ELMO3: variants seen among roughly 807,000 people sequenced by gnomAD.
ELMO3 encodes engulfment and cell motility 3, also known as engulfment and cell motility protein 3.
ELMO3 carries 81 observed loss-of-function variants against 89.0 expected under a neutral mutation model. The observed-to-expected ratio is 0.91, with a 90% CI of 0.76 to 1.09. The LOEUF (loss-of-function observed/expected upper bound fraction) is 1.09. ELMO3 is among the 50% of genes least tolerant of loss of function. ELMO3 has a pLI of 0.00. For missense variants in ELMO3, 959 were observed against 972.8 expected, an observed-to-expected ratio of 0.99 and a Z score of 0.19; for synonymous variants, 406 against 400.6, an observed-to-expected ratio of 1.01 and a Z score of -0.16.
In ELMO3 at chr16:67,200,798, C is replaced by G. The variant is rs369829735; in HGVS notation, c.655C>G (p.His219Asp). 1.2e-6 allele frequency: 2 copies of G among 1,612,876 alleles called. No individual in the cohort carries two copies. The highest frequency in any genetic ancestry group is 2.7e-5 in the African/African-American group (2 of 74,900). The change falls in exon 7 of 20, where the codon CAC (histidine) becomes GAC (aspartate). Residue 219 changes from histidine (H) to aspartate (D), a missense_variant. Physicochemically the swap from His to Asp is moderately conservative, Grantham distance 81. Coordinates refer to ENST00000393997, the MANE Select transcript of ELMO3 (RefSeq NM_024712.5). ...GGTGCCCCTGGATAGGCTGCTGGTGCACCTACAGGTGTAAGCCTCTGGGGC... is the reference window on the plus strand; with the variant it reads ...GGTGCCCCTGGATAGGCTGCTGGTGGACCTACAGGTGTAAGCCTCTGGGGC... ...SEVPLDRLLV[H>D]LQVMNQQLQT...
intron 11 of ELMO3, 50 bp downstream of exon 11, chr16:67,201,923 G>A (rs1435044824): frequency 1.2e-6 from 2 of 1,605,116 alleles, no homozygotes; most frequent in Non-Finnish European, 1.7e-6. Flanking sequence ...GCCCAGGGCT[G>A]TTGTTCCAGG....
At chr16:67,202,604 G>C (rs746480899) in intron 14 of ELMO3, 23 bp from the exon 15 acceptor site, 7 of 1,613,122 alleles carry the variant, frequency 4.3e-6, no homozygotes, top group Non-Finnish European at 5.1e-6. Flanking sequence ...CTTAGGCCCT[G>C]AGCTGAGCTT....
rs1478911469 is a variant in ELMO3 at position 67,199,882 on chromosome 16, C to A, written c.193-69C>A. On this transcript the variant is annotated intron_variant, in intron 3 of 19. Coordinates refer to ENST00000393997, the MANE Select transcript of ELMO3 (RefSeq NM_024712.5). ...TGTTATTCACCCCCAGCCGCCCTCA[C>A]CGACACCCCAGTTGATCAGTCCTCG... The A allele has an allele frequency of 5.0e-6, 8 of 1,611,042 alleles. No individual in the cohort carries two copies. The African/African-American group carries it at 1.1e-4, about 22-fold the overall frequency.
rs1366403391 is a variant in ELMO3, at chr16:67,201,533, G to A, written c.809G>A (p.Ser270Asn). ...GCTGTCCTGCAGAACATCATCCACAGTGCAGCACCAATGGGCGACGAGATG... is the reference window on the plus strand; with the variant it reads ...GCTGTCCTGCAGAACATCATCCACAATGCAGCACCAATGGGCGACGAGATG... ...RQFIYKNIIH[S>N]AAPMGDEMAH... The change falls in exon 10 of 20, where the codon AGT becomes AAT. Residue 270 changes from serine to asparagine, a missense_variant. By Grantham distance (46) the Ser-to-Asn change is conservative. Coordinates refer to ENST00000393997, the MANE Select transcript of ELMO3 (RefSeq NM_024712.5). The A allele has an allele frequency of 6.2e-7, 1 of 1,614,096 alleles. No individual in the cohort carries two copies. Among genetic ancestry groups the A allele is most frequent in the East Asian group, 2.2e-5 (1 of 44,880 alleles).
At position 67,199,378 on chromosome 16, in the gene ELMO3, ATCCCGCAGCTCATCCAGCTGGACCAGG is replaced by A; in HGVS notation, c.55_78+3del. 18 of 1,608,226 alleles carry A rather than the reference ATCCCGCAGCTCATCCAGCTGGACCAGG, an allele frequency of 1.1e-5. No individual in the cohort carries two copies. The highest frequency in any genetic ancestry group is 1.4e-5 in the Non-Finnish European group (17 of 1,179,076). ...GATTGCCATCAAGATGCGTGACGCC[ATCCCGCAGCTCATCCAGCTGGACCAGG>A]TCACCCGGCTGGTCCCGCCTCCATC... On this transcript the variant is annotated splice_donor_variant and coding_sequence_variant, in exon 1 of 20. Transcript: ENST00000393997. LOFTEE classifies it high-confidence loss of function.
Position 67,200,493 on chromosome 16 carries a change from GCTCATGGAGCA to G in ELMO3, c.458_468del (p.Leu153ArgfsTer59). 6.2e-7 allele frequency: 1 copy of G among 1,613,758 alleles called. No homozygotes were observed. The highest frequency in any genetic ancestry group is 8.5e-7 in the Non-Finnish European group (1 of 1,179,958). ...CCCTCAGCCTGAGGGCCTTCTCAGA[GCTCATGGAGCA>G]CGGCGTGGTGTCCTGGGAGACTCTG... On this transcript the variant is annotated frameshift_variant, in exon 6 of 20. Coordinates refer to ENST00000393997, the MANE Select transcript of ELMO3 (RefSeq NM_024712.5). LOFTEE classifies it high-confidence loss of function.
chr16:67,200,925 T>C lies in ELMO3; in HGVS notation c.701T>C (p.Leu234Pro). ...CAGCTGCAAACCAAGGCCATGGCCC[T>C]GCTGACAGCCTTGCTGCAGGGGGCC... ...NQQLQTKAMALLTALLQGASP... is the reference protein window; with the variant it reads ...NQQLQTKAMAPLTALLQGASP... The change falls in exon 8 of 20, where the codon CTG (leucine) becomes CCG (proline). Residue 234 changes from leucine to proline, a missense_variant. Coordinates refer to ENST00000393997, the MANE Select transcript of ELMO3 (RefSeq NM_024712.5). 3 of 1,612,654 alleles carry C rather than the reference T, an allele frequency of 1.9e-6. No individual in the cohort carries two copies. The highest frequency in any genetic ancestry group is 1.7e-6 in the Non-Finnish European group (2 of 1,179,568).
chr16:67,199,847 G>A (rs2033057126), intron 3 of ELMO3, 91 bp downstream of exon 3: 11 of 1,604,724 alleles, frequency 6.9e-6, no homozygotes, highest in South Asian at 1.1e-5. Flanking sequence ...CCCACTACCG[G>A]AGCGCGATCT....
chr16:67,202,622 C>T lies in ELMO3; in HGVS notation c.1399-5C>T, dbSNP rs1001052752. The T allele has an allele frequency of 3.7e-6, 6 of 1,613,194 alleles. No individual in the cohort carries two copies. In the East Asian group the frequency reaches 1.1e-4, roughly 30 times the overall value. ...AGGCCCTGAGCTGAGCTTGGGCGGC[C>T]CCAGGTCATGCAGGTGGTGCGGGAG... On this transcript the variant is annotated splice_region_variant and splice_polypyrimidine_tract_variant and intron_variant, in intron 14 of 19. Coordinates refer to ENST00000393997, the MANE Select transcript of ELMO3 (RefSeq NM_024712.5).
Position 67,203,554 on chromosome 16 carries a change from C to T in ELMO3, c.1921C>T (p.Leu641Phe). ...TGACCGTGGGGAGGAGGAAGCGTAC[C>T]TCAACTTCATTGCCCCCTCCAAGCG... ...SYDRGEEEAY[L>F]NFIAPSKREF... Residue 641 changes from leucine (L) to phenylalanine (F), a missense_variant, in exon 19 of 20, where the codon CTC becomes TTC. Leu to Phe is a conservative substitution (Grantham distance 22). Coordinates refer to ENST00000393997, the MANE Select transcript of ELMO3 (RefSeq NM_024712.5). The surrounding 1 kb of genome is among the most constrained non-coding windows in gnomAD (Gnocchi z 4.6). 2 of 1,614,086 alleles carry T rather than the reference C, an allele frequency of 1.2e-6. No individual in the cohort carries two copies. Among genetic ancestry groups the T allele is most frequent in the Non-Finnish European group, 1.7e-6 (2 of 1,180,014 alleles).
rs372715696 is a variant in ELMO3, at chr16:67,201,399, T to C, written c.759T>C (p.Tyr253=). The C allele has an allele frequency of 6.2e-7, 1 of 1,613,908 alleles. No individual in the cohort carries two copies. The highest frequency in any genetic ancestry group is 1.3e-5 in the African/African-American group (1 of 75,006). The part of the protein sequence containing the change: ...SPVERKHMLD[Y]LWQRNLRQFI... Reference sequence around the variant, plus strand: ...TACCCCCTCAGCACATGCTTGACTATCTTTGGCAGAGGAACCTTCGCCAGT... The same window carrying C: ...TACCCCCTCAGCACATGCTTGACTACCTTTGGCAGAGGAACCTTCGCCAGT... Residue 253 remains tyrosine, a synonymous_variant, in exon 9 of 20, where the codon TAT becomes TAC. Transcript: ENST00000393997.
chr16:67,199,640 G>A (rs1184664656), intron 2 of ELMO3, 44 bp from the exon 3 acceptor site: 2 of 1,608,052 alleles, frequency 1.2e-6, no homozygotes, highest in Non-Finnish European at 1.7e-6. Context: ...AGGGCAGGAG[G>A]GGCGGCGCCC....
chr16:67,203,096 C>T lies in ELMO3; in HGVS notation c.1676-23C>T, dbSNP rs772055715. On this transcript the variant is annotated intron_variant, in intron 16 of 19. Coordinates refer to ENST00000393997, the MANE Select transcript of ELMO3 (RefSeq NM_024712.5). The surrounding 1 kb of genome is among the most constrained non-coding windows in gnomAD (Gnocchi z 4.6). ...GTGTCAGGACCTCTCAGCACTCTGG[C>T]CCTCTTCCCTTTCTCCACGCAGATA... 38 of 1,592,194 alleles carry T rather than the reference C, an allele frequency of 2.4e-5. No individual in the cohort carries two copies. The highest frequency in any genetic ancestry group is 3.2e-5 in the Non-Finnish European group (37 of 1,170,570).
At position 67,200,180 on chromosome 16, in the gene ELMO3, C is replaced by G. The variant is rs894041193; in HGVS notation, c.244-12C>G. ...AGCCTCTTCACCTCTGCTCCTGCTC[C>G]GTTCCTGCCAGGACCTTGAGGCTGA... is the stretch of plus-strand genomic sequence containing the variant. On this transcript the variant is annotated splice_polypyrimidine_tract_variant and intron_variant, in intron 4 of 19. Coordinates refer to ENST00000393997, the MANE Select transcript of ELMO3 (RefSeq NM_024712.5). 14 of 1,608,354 alleles carry G rather than the reference C, an allele frequency of 8.7e-6. No individual in the cohort carries two copies. The highest frequency in any genetic ancestry group is 8.4e-5 in the Admixed American group (5 of 59,658).
rs1323110359 is a variant in ELMO3, at chr16:67,202,980, A to G, written c.1651A>G (p.Lys551Glu). 2.5e-6 allele frequency: 4 copies of G among 1,607,134 alleles called. No homozygotes were observed. Among genetic ancestry groups the G allele is most frequent in the Non-Finnish European group, 2.5e-6 (3 of 1,179,928 alleles). The part of the protein sequence containing the change: ...LRLCEGTLFR[K>E]ISSRRRQDKL... Reference sequence around the variant, plus strand: ...CCTCTGTGAGGGGACGCTCTTCCGCAAGATCAGCAGCCGGCGGCGCCAGGG... The same window carrying G: ...CCTCTGTGAGGGGACGCTCTTCCGCGAGATCAGCAGCCGGCGGCGCCAGGG... Residue 551 changes from lysine (K) to glutamate (E), a missense_variant, in exon 16 of 20, where the codon AAG (lysine) becomes GAG (glutamate). Transcript: ENST00000393997.
Position 67,201,587 on chromosome 16 carries a change from T to C in ELMO3, c.863T>C (p.Leu288Pro). 6.2e-7 allele frequency: 1 copy of C among 1,613,950 alleles called. No homozygotes were observed. Among genetic ancestry groups the C allele is most frequent in the Non-Finnish European group, 8.5e-7 (1 of 1,180,032 alleles). The change falls in exon 10 of 20, where the codon CTC becomes CCC. Residue 288 changes from leucine (L) to proline (P), a missense_variant. Transcript: ENST00000393997. ...MAHHLYVLQA[L>P]MLGLLEPRMR... ...CATCACCTGTACGTACTGCAGGCTC[T>C]CATGCTGGGGCTGCTGGAGCCGCGC...
At position 67,203,482 on chromosome 16, in the gene ELMO3, C is replaced by A. The variant is rs1348355481; in HGVS notation, c.1864-15C>A. The A allele has an allele frequency of 3.1e-6, 5 of 1,613,612 alleles. No individual in the cohort carries two copies. Among genetic ancestry groups the A allele is most frequent in the Non-Finnish European group, 4.2e-6 (5 of 1,179,790 alleles). On this transcript the variant is annotated splice_polypyrimidine_tract_variant and intron_variant, in intron 18 of 19. Coordinates refer to ENST00000393997, the MANE Select transcript of ELMO3 (RefSeq NM_024712.5). This position sits in a 1 kb window ranked among gnomAD's most constrained non-coding sequence, Gnocchi z 4.6. Reference sequence around the variant, plus strand: ...CTGTCCCCTGCTCAGTGTCCCCGCTCCCTTGCTTCCCCAGGACCTCTATGA... The same window carrying A: ...CTGTCCCCTGCTCAGTGTCCCCGCTACCTTGCTTCCCCAGGACCTCTATGA...
In ELMO3 at chr16:67,202,031, GACA is replaced by G. The variant is rs756305844; in HGVS notation, c.1109_1111del (p.Asn370del). 2 of 1,572,126 alleles carry G rather than the reference GACA, an allele frequency of 1.3e-6. No homozygotes were observed. Among genetic ancestry groups the G allele is most frequent in the South Asian group, 2.2e-5 (2 of 90,610 alleles). On this transcript the variant is annotated inframe_deletion, in exon 12 of 20. Coordinates refer to ENST00000393997, the MANE Select transcript of ELMO3 (RefSeq NM_024712.5). ...CGTGCCCCCCGGTCTGCTGGCCCTG[GACA>G]ACATGTTGTACTTCTCCAGAAACGC...
At position 67,199,268 on chromosome 16, in the gene ELMO3, C is replaced by T. The variant is rs750658582; in HGVS notation, c.-59C>T. ...CCCCAGGGGCCCCAGGCCAGGTGCA[C>T]CCTTGGCCGCAGGTGCACGGTCTCC... On this transcript the variant is annotated 5_prime_UTR_variant, in exon 1 of 20. Transcript: ENST00000393997. 5 of 1,612,076 alleles carry T rather than the reference C, an allele frequency of 3.1e-6. No individual in the cohort carries two copies. The highest frequency in any genetic ancestry group is 4.2e-6 in the Non-Finnish European group (5 of 1,179,724).
Sources: allele counts gnomAD v4.1 joint callset, GRCh38; gene constraint gnomAD v4.1.1; non-coding constraint Gnocchi (gnomAD v3.1); transcripts MANE v1.5; gene names NCBI Gene and HGNC (gene_info 2026-07-23, HGNC 2026-07-21).